Variants in FMN1 observed in about 807,000 individuals in gnomAD.
FMN1 encodes the protein formin-1.
In FMN1, 110 loss-of-function variants were observed where a neutral mutation model predicts 132.4. The ratio of observed to expected loss-of-function variants is 0.83; its 90% CI spans 0.71 to 0.97. The LOEUF (loss-of-function observed/expected upper bound fraction) is 0.97. Among genes scored for constraint, FMN1 ranks in the 50% least tolerant of loss-of-function variants. FMN1 has a pLI of 0.00. For synonymous variants in FMN1, 722 were observed against 651.7 expected (o/e 1.11, Z -1.64); for missense variants, 1,792 against 1,705.3 (o/e 1.05, Z -0.90).
intron 10 of FMN1, among the ~76,000 whole-genome samples, chr15:32,911,274 G>C (rs1462895564): frequency 6.6e-6 from 1 of 152,172 alleles, no homozygotes; most frequent in Non-Finnish European, 1.5e-5. Context: ...TTTGGCTATC[G>C]AAGTGTTTGA....
chr15:32,912,979 T>C (rs541696175), intron 10 of FMN1, among the ~76,000 whole-genome samples: 29 of 152,332 alleles, frequency 1.9e-4, no homozygotes, highest in Middle Eastern at 3.4e-3. Context: ...TGTAAATGTG[T>C]TTTAATGCTT....
chr15:33,054,373 C>T (rs899361130), intron 6 of FMN1, among the ~76,000 whole-genome samples: 2 of 152,022 alleles, frequency 1.3e-5, no homozygotes, highest in African/African-American at 2.4e-5. Context: ...AGATTTTTTT[C>T]ATCTAAATAT....
intron 9 of FMN1, among the ~76,000 whole-genome samples, chr15:32,949,970 C>CATATATAT (rs370244413): frequency 1.1e-4 from 1 of 8,734 alleles, no homozygotes; most frequent in African/African-American, 3.6e-4. Flanking sequence ...TATATACACA[C>CATATATAT]ATATATATAC....
intron 17 of FMN1, among the ~76,000 whole-genome samples, chr15:32,842,787 C>CTT (rs5811710): frequency 0.5 from 69,300 of 139,760 alleles, 18,716 homozygotes; most frequent in Middle Eastern, 0.6. Context: ...GGAACCTCAG[C>CTT]TTTTTTTTTT....
At position 33,154,876 on chromosome 15, in the gene FMN1, G is replaced by A. The variant is rs1964609548; in HGVS notation, c.39C>T (p.Pro13=). 6.5e-7 allele frequency: 1 copy of A among 1,535,954 alleles called. No individual in the cohort carries two copies. The highest frequency in any genetic ancestry group is 1.2e-5 in the South Asian group (1 of 84,038). Residue 13 remains proline, a synonymous_variant, in exon 4 of 21, where the codon CCC becomes CCT. Coordinates refer to ENST00000616417, the MANE Select transcript of FMN1 (RefSeq NM_001277313.2). ...GTHCTLQLHK[P]ITELCYISFC... Reference sequence around the variant, plus strand: ...AGCTGATGTAGCAGAGTTCCGTAATGGGCTTATGCAATTGGAGGGTACAAT... The same window carrying A: ...AGCTGATGTAGCAGAGTTCCGTAATAGGCTTATGCAATTGGAGGGTACAAT...
chr15:32,974,159 C>A lies in FMN1; in HGVS notation c.2224-4682G>T, dbSNP rs187723323. Among the ~76,000 whole-genome samples, 501 of 152,260 alleles carry A rather than the reference C, an allele frequency of 3.3e-3. 6 individuals are homozygous for A. The highest frequency in any genetic ancestry group is 0.012 in the African/African-American group (480 of 41,544). On this transcript the variant is annotated intron_variant, in intron 7 of 20. Coordinates refer to ENST00000616417, the MANE Select transcript of FMN1 (RefSeq NM_001277313.2). ...CTTGTAAGCAGTATCCAATTATAAA[C>A]CCTCCATTTATTTTTAGACCAATGT...
chr15:33,129,591 AC>A (rs1468386662), intron 4 of FMN1, among the ~76,000 whole-genome samples: 8 of 152,066 alleles, frequency 5.3e-5, no homozygotes, highest in Non-Finnish European at 1.0e-4. Context: ...GAGTCTCACA[AC>A]CATCCACTGT....
chr15:32,966,677 T>C (rs1290662299), intron 8 of FMN1, among the ~76,000 whole-genome samples: 1 of 152,212 alleles, frequency 6.6e-6, no homozygotes, highest in Non-Finnish European at 1.5e-5. Flanking sequence ...TTTAGGTAGA[T>C]GAGAGGCAGT....
chr15:32,803,943 G>A (rs1398174406), intron 18 of FMN1, among the ~76,000 whole-genome samples: 4 of 152,160 alleles, frequency 2.6e-5, no homozygotes, highest in Non-Finnish European at 4.4e-5. Context: ...TATTGCTTAT[G>A]GATGCATAGT....
At chr15:32,844,850 C>A (rs561193954) in intron 17 of FMN1, among the ~76,000 whole-genome samples, 35 of 152,358 alleles carry the variant, frequency 2.3e-4, no homozygotes, top group Admixed American at 7.2e-4. Flanking sequence ...CACGTAACAA[C>A]AGCAGCGGCT....
intron 17 of FMN1, among the ~76,000 whole-genome samples, chr15:32,849,044 C>T (rs1259385634): frequency 1.5e-5 from 2 of 130,240 alleles, no homozygotes; most frequent in Non-Finnish European, 3.1e-5. Flanking sequence ...AGTGCAGTGG[C>T]GCAATCTCGG....
rs139769691 is a variant in FMN1, at chr15:32,782,704, C to A, written c.4131-5785G>T. On this transcript the variant is annotated intron_variant, in intron 19 of 20. Transcript: ENST00000616417. ...TTCTAGCTGCATACACGCTCAACCT[C>A]CTCATTGTTTGTGGACTTGTTTTTG... Among the ~76,000 whole-genome samples the A allele has an allele frequency of 1.3e-3, 196 of 152,290 alleles. 2 individuals are homozygous for A. The highest frequency in any genetic ancestry group is 4.3e-3 in the African/African-American group (180 of 41,550).
At chr15:33,150,208 C>T in intron 4 of FMN1, 1 of 985,414 alleles carries the variant, frequency 1.0e-6, no homozygotes, top group Non-Finnish European at 1.2e-6. Context: ...TAAATGAAAG[C>T]AAGCAAAACA....
rs555588109 is a variant in FMN1 at position 32,811,353 on chromosome 15, T to C, written c.3929-7021A>G. On this transcript the variant is annotated intron_variant, in intron 17 of 20. Transcript: ENST00000616417. The stretch of plus-strand genomic sequence containing the variant: ...AAGAGTAGAGGGCCACCTGTGAGAT[T>C]TTCTGTGTAAAGTGTTATGAGGTTG... Among the ~76,000 whole-genome samples, 5 of 152,166 alleles carry C rather than the reference T, an allele frequency of 3.3e-5. No homozygotes were observed. The East Asian group carries it at 9.7e-4, about 30-fold the overall frequency.
intron 12 of FMN1, among the ~76,000 whole-genome samples, chr15:32,906,263 C>G (rs570925482): frequency 8.3e-4 from 127 of 152,204 alleles, no homozygotes; most frequent in Non-Finnish European, 1.2e-4. Context: ...CAGGCCACCA[C>G]TTGTTTTTGT....
At position 33,154,387 on chromosome 15, in the gene FMN1, C is replaced by G; in HGVS notation, c.528G>C (p.Arg176Ser). 1 of 1,536,148 alleles carries G rather than the reference C, an allele frequency of 6.5e-7. No individual in the cohort carries two copies. The highest frequency in any genetic ancestry group is 8.7e-7 in the Non-Finnish European group (1 of 1,146,908). ...GGCCTCCACGCCCTTTTCTTTTGGT[C>G]CTCTTCTGTGGAAGGGCCCCAAAGC... ...RESFGALPQK[R>S]TKRKGRGGRE... Residue 176 changes from arginine to serine, a missense_variant, in exon 4 of 21, where the codon AGG becomes AGC. By Grantham distance (110) the Arg-to-Ser change is moderately radical. Around this residue, in one of 3 missense-constraint regions of FMN1, gnomAD observed 638 missense variants for 645.2 expected, o/e 0.99. Coordinates refer to ENST00000616417, the MANE Select transcript of FMN1 (RefSeq NM_001277313.2).
chr15:32,910,858 A>C (rs1354702667), intron 10 of FMN1, among the ~76,000 whole-genome samples: 1 of 152,216 alleles, frequency 6.6e-6, no homozygotes, highest in South Asian at 2.1e-4. Flanking sequence ...CACAATTTTA[A>C]ATCTTTCTTC....
At chr15:33,122,212 G>GGTT (rs1962630587) in intron 4 of FMN1, among the ~76,000 whole-genome samples, 1 of 152,108 alleles carries the variant, frequency 6.6e-6, no homozygotes, top group African/African-American at 2.4e-5. Context: ...CTGACCTATA[G>GGTT]TCACCAAAAA....
chr15:33,078,393 G>GATATTTAATAATATTTAAATAATA (rs2038308226), intron 5 of FMN1, among the ~76,000 whole-genome samples: 1 of 151,954 alleles, frequency 6.6e-6, no homozygotes, highest in African/African-American at 2.4e-5. Context: ...ATTTTAATTG[G>GATATTTAATAATATTTAAATAATA]ATATTTAAAT....
Sources: allele counts gnomAD v4.1 joint callset (sites outside exome capture counted in the v4.1 genomes callset), GRCh38; gene constraint gnomAD v4.1.1; regional missense constraint gnomAD v4.1.1; transcripts MANE v1.5; gene names NCBI Gene and HGNC (gene_info 2026-07-23, HGNC 2026-07-21).